Variants in AGMO observed in about 807,000 individuals in gnomAD.
The protein encoded by AGMO is glyceryl-ether monooxygenase.
AGMO carries 75 observed loss-of-function variants against 60.2 expected under a neutral mutation model. The observed-to-expected ratio is 1.25, with a 90% CI of 1.03 to 1.51. The LOEUF is 1.51. AGMO is among the 40% of genes most tolerant of loss of function. The pLI is 0.00. For missense variants in AGMO, 763 were observed against 525.5 expected (o/e 1.45, Z -4.42); for synonymous variants, 261 against 177.1 (o/e 1.47, Z -3.76).
chr7:15,333,173 A>G (rs1291369608), intron 12 of AGMO, among the ~76,000 whole-genome samples: 2 of 152,188 alleles, frequency 1.3e-5, no homozygotes, highest in African/African-American at 4.8e-5. Context: ...GTAGCTTGAA[A>G]TGGATACTCA....
chr7:15,244,459 G>A (rs35195332), intron 12 of AGMO, among the ~76,000 whole-genome samples: 17 of 151,856 alleles, frequency 1.1e-4, no homozygotes, highest in Admixed American at 8.5e-4. Context: ...ACCATTACCC[G>A]ACTCCTAATC....
intron 3 of AGMO, among the ~76,000 whole-genome samples, chr7:15,497,750 T>C (rs1323374291): frequency 1.3e-5 from 2 of 152,070 alleles, no homozygotes; most frequent in Non-Finnish European, 2.9e-5. Flanking sequence ...CTCAACTCAG[T>C]GGTTACTAAA....
Position 15,366,179 on chromosome 7 carries a change from A to G in AGMO, c.1118T>C (p.Ile373Thr), listed in dbSNP as rs1476400512. 1 of 1,609,302 alleles carries G rather than the reference A, an allele frequency of 6.2e-7. No homozygotes were observed. Among genetic ancestry groups the G allele is most frequent in the Admixed American group, 1.7e-5 (1 of 59,742 alleles). Residue 373 changes from isoleucine (I) to threonine (T), a missense_variant, in exon 11 of 13, where the codon ATC (isoleucine) becomes ACC (threonine). Ile to Thr is a moderately conservative substitution (Grantham distance 89). Coordinates refer to ENST00000342526, the MANE Select transcript of AGMO (RefSeq NM_001004320.2). ...AAATCCAATGGAAGTCAAGGTCAGG[A>G]TAATGAAGCAAACCCTCAGAAGGAG... is the stretch of plus-strand genomic sequence containing the variant. ...VTLLLRVCFI[I>T]LTLTSIGFLL...
intron 12 of AGMO, among the ~76,000 whole-genome samples, chr7:15,285,549 G>C (rs978367544): frequency 6.6e-6 from 1 of 151,830 alleles, no homozygotes; most frequent in Non-Finnish European, 1.5e-5. Flanking sequence ...AGAGCTAAAA[G>C]AAACTGCTGA....
intron 12 of AGMO, among the ~76,000 whole-genome samples, chr7:15,357,610 G>A (rs887162851): frequency 6.6e-6 from 1 of 152,202 alleles, no homozygotes; most frequent in Non-Finnish European, 1.5e-5. Flanking sequence ...TAGGCTTCAA[G>A]AAGCCTTGCA....
chr7:15,368,261 C>A (rs1003186653), intron 10 of AGMO, among the ~76,000 whole-genome samples: 2 of 145,322 alleles, frequency 1.4e-5, no homozygotes, highest in African/African-American at 2.6e-5. Flanking sequence ...CGGCGATGTC[C>A]ACTTAGGAAG....
intron 9 of AGMO, 35 bp downstream of exon 9, chr7:15,387,371 T>C: frequency 1.2e-6 from 2 of 1,603,772 alleles, no homozygotes; most frequent in Non-Finnish European, 8.5e-7. Context: ...TATGAGACAA[T>C]CTTCACCATC....
chr7:15,347,376 G>GAAA (rs1159708069), intron 12 of AGMO, among the ~76,000 whole-genome samples: 2 of 152,030 alleles, frequency 1.3e-5, no homozygotes, highest in Non-Finnish European at 2.9e-5. Context: ...TAGCACAACT[G>GAAA]ATGAAAGCTG....
intron 3 of AGMO, among the ~76,000 whole-genome samples, chr7:15,497,676 T>G (rs1300305839): frequency 6.6e-6 from 1 of 152,102 alleles, no homozygotes; most frequent in East Asian, 1.9e-4. Context: ...AATTAATTGA[T>G]TCATTCTAAA....
intron 12 of AGMO, among the ~76,000 whole-genome samples, chr7:15,305,657 G>A (rs1235537132): frequency 6.6e-6 from 1 of 151,834 alleles, no homozygotes; most frequent in Non-Finnish European, 1.5e-5. Flanking sequence ...ATCTGATCTA[G>A]AATTTGTAAA....
chr7:15,475,380 T>C (rs982886343), intron 3 of AGMO, among the ~76,000 whole-genome samples: 4 of 152,236 alleles, frequency 2.6e-5, no homozygotes, highest in African/African-American at 9.6e-5. Flanking sequence ...GATGAGTTCA[T>C]GTTCTTTGCA....
chr7:15,464,993 C>T (rs1449353747), intron 3 of AGMO, among the ~76,000 whole-genome samples: 2 of 152,140 alleles, frequency 1.3e-5, no homozygotes, highest in Non-Finnish European at 2.9e-5. Flanking sequence ...TCGACACTTG[C>T]TAAGTCCATG....
rs1429387858 is a variant in AGMO, at chr7:15,560,230, A to G, written c.168T>C (p.Val56=). The G allele has an allele frequency of 6.2e-7, 1 of 1,613,044 alleles. No individual in the cohort carries two copies. ...GCTTTCCTTTGAGAATCCAGCTGAC[A>G]ACAAGTTCAAGCAGCATCAAAGAAA... ...FFISLMLLEL[V]VSWILKGKPP... The change falls in exon 2 of 13, where the codon GTT becomes GTC. Residue 56 remains valine (V), a synonymous_variant. Coordinates refer to ENST00000342526, the MANE Select transcript of AGMO (RefSeq NM_001004320.2).
chr7:15,379,220 C>G (rs542705610), intron 10 of AGMO, among the ~76,000 whole-genome samples: 7 of 152,008 alleles, frequency 4.6e-5, no homozygotes, highest in Non-Finnish European at 8.8e-5. Flanking sequence ...CTAGAGAAAT[C>G]AAGAGCAAAG....
At chr7:15,464,859 T>C (rs1456948031) in intron 3 of AGMO, among the ~76,000 whole-genome samples, 1 of 152,138 alleles carries the variant, frequency 6.6e-6, no homozygotes, top group Non-Finnish European at 1.5e-5. Context: ...GGAAAATAAC[T>C]CTTGAATAGG....
At chr7:15,496,859 A>G (rs1190547816) in intron 3 of AGMO, among the ~76,000 whole-genome samples, 1 of 152,076 alleles carries the variant, frequency 6.6e-6, no homozygotes, top group African/African-American at 2.4e-5. Context: ...TTACTCTTTT[A>G]TCAATTATTG....
At chr7:15,340,486 G>A (rs746815270) in intron 12 of AGMO, among the ~76,000 whole-genome samples, 2 of 152,142 alleles carry the variant, frequency 1.3e-5, no homozygotes, top group African/African-American at 4.8e-5. Flanking sequence ...GCCTCGGGGG[G>A]AACAATGGTT....
At chr7:15,207,289 G>T (rs1379911583) in intron 12 of AGMO, among the ~76,000 whole-genome samples, 1 of 152,160 alleles carries the variant, frequency 6.6e-6, no homozygotes, top group Non-Finnish European at 1.5e-5. Context: ...AGTGAAAATA[G>T]ATGCTACCTT....
At chr7:15,206,442 CTT>C (rs1408742973) in intron 12 of AGMO, among the ~76,000 whole-genome samples, 2 of 152,032 alleles carry the variant, frequency 1.3e-5, no homozygotes, top group African/African-American at 4.8e-5. Flanking sequence ...TGCATTATCT[CTT>C]TGTGCTTATT....
Sources: allele counts gnomAD v4.1 joint callset (sites outside exome capture counted in the v4.1 genomes callset), GRCh38; gene constraint gnomAD v4.1.1; transcripts MANE v1.5; gene names NCBI Gene and HGNC (gene_info 2026-07-23, HGNC 2026-07-21).